Variants in TTC7A observed in about 807,000 individuals in gnomAD.
TTC7A encodes tetratricopeptide repeat domain 7A, also known as tetratricopeptide repeat protein 7A.
In TTC7A, 110 loss-of-function variants were observed where a neutral mutation model predicts 103.7. The ratio of observed to expected loss-of-function variants is 1.06; its 90% confidence interval spans 0.91 to 1.24. TTC7A has a LOEUF of 1.24. Among genes scored for constraint, TTC7A ranks in the 50% most tolerant of loss-of-function variants. TTC7A has a pLI of 0.00. For synonymous variants in TTC7A, 521 were observed against 467.9 expected, an observed-to-expected ratio of 1.11 and a Z score of -1.47; for missense variants, 1,340 against 1,116.3, an observed-to-expected ratio of 1.20 and a Z score of -2.86.
chr2:47,030,676 C>A (rs1455362872), intron 15 of TTC7A, among the ~76,000 whole-genome samples: 1 of 152,154 alleles, frequency 6.6e-6, no homozygotes, highest in East Asian at 1.9e-4. Context: ...GAGCCTTGAC[C>A]TGCTTGCCCT....
chr2:47,022,695 C>T (rs1015123277), intron 12 of TTC7A, among the ~76,000 whole-genome samples: 11 of 152,140 alleles, frequency 7.2e-5, no homozygotes, highest in South Asian at 2.1e-4. Context: ...ACGGTGACAT[C>T]GGGTATAAAT....
chr2:46,952,896 T>C (rs1488330646), intron 2 of TTC7A, among the ~76,000 whole-genome samples: 20 of 152,232 alleles, frequency 1.3e-4, no homozygotes, highest in Admixed American at 6.5e-5. Context: ...AGATATTTCT[T>C]TTCATAGAGT....
intron 19 of TTC7A, among the ~76,000 whole-genome samples, chr2:47,063,452 C>T (rs1033265235): frequency 3.9e-5 from 6 of 152,194 alleles, no homozygotes; most frequent in African/African-American, 7.2e-5. Context: ...TCTTTTTCAA[C>T]GTGAAACAAC....
chr2:46,964,841 A>G (rs1322606095), intron 3 of TTC7A, among the ~76,000 whole-genome samples: 1 of 152,118 alleles, frequency 6.6e-6, no homozygotes, highest in Non-Finnish European at 1.5e-5. Flanking sequence ...CCAGCCATTC[A>G]TTCTACCTTG....
intron 3 of TTC7A, among the ~76,000 whole-genome samples, chr2:46,968,719 C>G (rs1673075953): frequency 6.6e-6 from 1 of 152,032 alleles, no homozygotes; most frequent in African/African-American, 2.4e-5. Flanking sequence ...TGACAGCTCC[C>G]TTCAAAAAGG....
intron 2 of TTC7A, among the ~76,000 whole-genome samples, chr2:46,927,884 G>GTTTT (rs566447236): frequency 1.4e-4 from 10 of 73,306 alleles, no homozygotes; most frequent in South Asian, 4.6e-4. Flanking sequence ...TTTTTTTGGT[G>GTTTT]TTTTTTTTTT....
Position 47,027,077 on chromosome 2 carries a change from C to G in TTC7A, c.1642-2147C>G, listed in dbSNP as rs546972365. ...GCCTTCCTGGCCCTCCACCCTCCAG[C>G]CTGCCGTAAGTTTCTCTCCCAACCC... On this transcript the variant is annotated intron_variant, in intron 14 of 19. Coordinates refer to ENST00000319190, the MANE Select transcript of TTC7A (RefSeq NM_020458.4). Among the ~76,000 whole-genome samples the G allele has an allele frequency of 3.3e-5, 5 of 152,328 alleles. 1 individual carries two copies. The South Asian group carries it at 1.0e-3, about 32-fold the overall frequency.
chr2:46,930,730 C>T (rs950237326), intron 2 of TTC7A, among the ~76,000 whole-genome samples: 8 of 152,010 alleles, frequency 5.3e-5, no homozygotes, highest in Admixed American at 2.0e-4. Flanking sequence ...GAACTCCTGA[C>T]CTCAGGTGAT....
intron 19 of TTC7A, among the ~76,000 whole-genome samples, chr2:47,062,263 C>G (rs1413915294): frequency 1.3e-5 from 2 of 152,208 alleles, no homozygotes; most frequent in East Asian, 1.9e-4. Flanking sequence ...TCCAACCTGA[C>G]AGTCCTTGAA....
intron 1 of TTC7A, among the ~76,000 whole-genome samples, chr2:46,946,846 C>T (rs1670985958): frequency 6.6e-6 from 1 of 152,050 alleles, no homozygotes; most frequent in African/African-American, 2.4e-5. Context: ...AGAGGTAGGG[C>T]AGGGAGAGGA....
chr2:46,974,753 T>C (rs543320656), intron 3 of TTC7A: 1 of 627,776 alleles, frequency 1.6e-6, no homozygotes, highest in African/African-American at 1.8e-5. Context: ...GCTGGGGTGA[T>C]GCACTGTGAT....
At chr2:47,001,102 A>G (rs767338183) in intron 8 of TTC7A, among the ~76,000 whole-genome samples, 19 of 152,196 alleles carry the variant, frequency 1.2e-4, no homozygotes, top group Non-Finnish European at 2.2e-4. Flanking sequence ...TCTGTAAAAT[A>G]GGCTGAGAGT....
intron 3 of TTC7A, among the ~76,000 whole-genome samples, chr2:46,960,396 G>C (rs1672267194): frequency 1.3e-5 from 2 of 152,186 alleles, no homozygotes; most frequent in African/African-American, 2.4e-5. Flanking sequence ...TGGTATACCT[G>C]ATATTTGGTG....
intron 14 of TTC7A, among the ~76,000 whole-genome samples, chr2:47,027,184 G>T (rs1478246999): frequency 6.6e-6 from 1 of 152,230 alleles, no homozygotes; most frequent in Non-Finnish European, 1.5e-5. Flanking sequence ...GCAGCAGTGT[G>T]TGGGGGAGAG....
chr2:47,050,187 T>C, intron 17 of TTC7A, 141 bp downstream of exon 17: 5 of 698,304 alleles, frequency 7.2e-6, no homozygotes, highest in South Asian at 6.7e-5. Context: ...CTCGGGCAAC[T>C]TCTGGGGCTG....
At chr2:46,980,264 G>T in intron 5 of TTC7A, among the ~76,000 whole-genome samples, 2 of 147,184 alleles carry the variant, frequency 1.4e-5, no homozygotes, top group Admixed American at 6.8e-5. Flanking sequence ...CTGACATCCA[G>T]GCTGGAGTGC....
At chr2:47,056,736 A>C (rs1030190736) in intron 18 of TTC7A, among the ~76,000 whole-genome samples, 2 of 152,140 alleles carry the variant, frequency 1.3e-5, no homozygotes, top group African/African-American at 4.8e-5. Context: ...AGAGAGATGG[A>C]GGGAAGAGGA....
chr2:46,988,773 T>G (rs1675303685), intron 5 of TTC7A, among the ~76,000 whole-genome samples: 1 of 152,058 alleles, frequency 6.6e-6, no homozygotes, highest in South Asian at 2.1e-4. Flanking sequence ...CCATGCTGGG[T>G]CAAGAGACAG....
At chr2:46,916,306 TC>T in exon 1 of TTC7A, 1 of 434,694 alleles carries the variant, frequency 2.3e-6, no homozygotes, top group Non-Finnish European at 3.1e-6. Flanking sequence ...TTGGCCTGCT[TC>T]CAGCGTCTGC....
Sources: gnomAD v4.1 joint callset for allele counts (sites outside exome capture counted in the v4.1 genomes callset) on GRCh38, gnomAD v4.1.1 for gene constraint, MANE v1.5 for transcripts, NCBI Gene and HGNC (gene_info 2026-07-23, HGNC 2026-07-21) for gene names.